The following ANO4 variants were observed in gnomAD, a reference collection of about 807,000 sequenced individuals.
ANO4 encodes anoctamin-4.
A neutral mutation model predicts 141.9 loss-of-function variants in ANO4; 69 were observed. That is an observed-to-expected ratio of 0.49 (90% CI 0.40 to 0.59). The LOEUF is 0.59. ANO4 is among the 20% of genes least tolerant of loss of function. The pLI is 0.00. For synonymous variants in ANO4, 350 were observed against 394.3 expected (o/e 0.89, Z 1.33); for missense variants, 894 against 1,162.2 (o/e 0.77, Z 3.36).
At chr12:100,805,742 G>A (rs1346577557) in intron 1 of ANO4, among the ~76,000 whole-genome samples, 1 of 151,954 alleles carries the variant, frequency 6.6e-6, no homozygotes, top group African/African-American at 2.4e-5. Context: ...CTTCCTGTTT[G>A]TGATTAATGA....
chr12:100,771,482 C>T (rs2033298630), intron 3 of ANO4, among the ~76,000 whole-genome samples: 1 of 152,154 alleles, frequency 6.6e-6, no homozygotes, highest in African/African-American at 2.4e-5. Context: ...AGCACCACCC[C>T]CCACCCCAGT....
intron 1 of ANO4, among the ~76,000 whole-genome samples, chr12:100,883,715 A>G (rs1304575354): frequency 6.6e-6 from 1 of 152,188 alleles, no homozygotes; most frequent in South Asian, 2.1e-4. Flanking sequence ...TACTTGACTC[A>G]ATATATTGAA....
rs754326360 is a variant in ANO4 at position 101,099,653 on chromosome 12, A to G, written c.2082A>G (p.Gln694=). The G allele has an allele frequency of 1.9e-6, 3 of 1,611,296 alleles. No homozygotes were observed. The highest frequency in any genetic ancestry group is 1.3e-5 in the African/African-American group (1 of 74,802). ...HGPERKISFP[Q]WEKDYNLQPM... Reference sequence around the variant, plus strand: ...CTGAAAGGAAAATAAGTTTCCCACAATGGGAAAAGGACTATAACCTTCAGC... The same window carrying G: ...CTGAAAGGAAAATAAGTTTCCCACAGTGGGAAAAGGACTATAACCTTCAGC... The change falls in exon 22 of 28, where the codon CAA becomes CAG. Residue 694 remains glutamine (Q), a synonymous_variant. Coordinates refer to ENST00000392977, the MANE Select transcript of ANO4 (RefSeq NM_001286615.2).
At chr12:100,858,391 T>A (rs2038294384) in intron 1 of ANO4, among the ~76,000 whole-genome samples, 1 of 152,158 alleles carries the variant, frequency 6.6e-6, no homozygotes, top group Non-Finnish European at 1.5e-5. Flanking sequence ...CCATCATATA[T>A]GTGGTCCGTC....
At chr12:100,840,232 G>A (rs1514782) in intron 1 of ANO4, among the ~76,000 whole-genome samples, 103,811 of 151,942 alleles carry the variant, frequency 0.68, 35,557 homozygotes, top group Middle Eastern at 0.77. Flanking sequence ...TTAACAATCC[G>A]TGTCTTTGTG....
chr12:100,751,272 G>A (rs2032362438), intron 3 of ANO4, among the ~76,000 whole-genome samples: 1 of 152,102 alleles, frequency 6.6e-6, no homozygotes, highest in Admixed American at 6.6e-5. Context: ...GATCTACGCG[G>A]GAAAGCAAGT....
chr12:101,103,566 C>G (rs1298203184), intron 22 of ANO4, among the ~76,000 whole-genome samples: 1 of 151,668 alleles, frequency 6.6e-6, no homozygotes, highest in African/African-American at 2.4e-5. Context: ...AGTTGTTAAA[C>G]TAACCTAGCA....
intron 24 of ANO4, among the ~76,000 whole-genome samples, chr12:101,113,181 G>A (rs1296992372): frequency 6.6e-6 from 1 of 152,098 alleles, no homozygotes. Context: ...TCTCCATCCC[G>A]CACCTCACAG....
At position 100,879,007 on chromosome 12, in the gene ANO4, A is replaced by G. The variant is rs144527234; in HGVS notation, c.-140-22639A>G. ...TGTAACACAAATGAGGCAGGATTTT[A>G]TGCCCCTGGAGGGGAGATGTTTGTC... On this transcript the variant is annotated intron_variant, in intron 1 of 27. Coordinates refer to ENST00000392977, the MANE Select transcript of ANO4 (RefSeq NM_001286615.2). 4.3e-3 allele frequency among the ~76,000 whole-genome samples: 662 copies of G among 152,268 alleles called. 6 individuals carry two copies. The highest frequency in any genetic ancestry group is 0.015 in the African/African-American group (620 of 41,570).
At chr12:100,987,728 T>G in intron 8 of ANO4, 58 bp downstream of exon 8, 1 of 1,594,648 alleles carries the variant, frequency 6.3e-7, no homozygotes, top group Non-Finnish European at 8.5e-7. Context: ...TGGTAGAGCC[T>G]CACCCTGCAC....
chr12:100,905,441 A>T (rs2040800344), intron 2 of ANO4, among the ~76,000 whole-genome samples: 1 of 152,088 alleles, frequency 6.6e-6, no homozygotes, highest in East Asian at 1.9e-4. Flanking sequence ...CAGAAATTAC[A>T]AAAGTTTATC....
intron 16 of ANO4, among the ~76,000 whole-genome samples, chr12:101,085,474 G>T (rs1024325791): frequency 2.6e-5 from 4 of 152,078 alleles, no homozygotes. Flanking sequence ...CATTTACATT[G>T]TATCAGGTAT....
At chr12:100,740,154 T>A (rs1437542102) in intron 3 of ANO4, 4 of 692,316 alleles carry the variant, frequency 5.8e-6, no homozygotes, top group Admixed American at 2.0e-5. Context: ...GTGTATAAGA[T>A]TCCTTCATGC....
intron 1 of ANO4, among the ~76,000 whole-genome samples, chr12:100,882,667 G>A (rs2039625286): frequency 6.7e-6 from 1 of 148,466 alleles, no homozygotes; most frequent in Admixed American, 6.7e-5. Context: ...GCAGTCTTCT[G>A]GAACTCTGTT....
chr12:100,871,017 T>C (rs1010588151), intron 1 of ANO4, among the ~76,000 whole-genome samples: 4 of 152,182 alleles, frequency 2.6e-5, no homozygotes, highest in Non-Finnish European at 5.9e-5. Flanking sequence ...ATCTAATAGG[T>C]GTCACTTATA....
At chr12:100,791,963 C>G (rs2034062604), upstream of ANO4, among the ~76,000 whole-genome samples, 1 of 152,030 alleles carries the variant, frequency 6.6e-6, no homozygotes, top group Admixed American at 6.6e-5. Context: ...CAGATTATAA[C>G]TTAGTTTTCA....
chr12:100,858,177 A>G (rs2038282523), intron 1 of ANO4, among the ~76,000 whole-genome samples: 1 of 152,172 alleles, frequency 6.6e-6, no homozygotes, highest in African/African-American at 2.4e-5. Context: ...CACTGTGGGT[A>G]CATGAAAGAC....
At chr12:101,049,951 G>A (rs186045778) in intron 14 of ANO4, among the ~76,000 whole-genome samples, 3 of 152,246 alleles carry the variant, frequency 2.0e-5, no homozygotes, top group African/African-American at 7.2e-5. Flanking sequence ...TTATTCTCCA[G>A]AATGTGGACT....
At chr12:100,777,652 G>A (rs1367793870) in intron 3 of ANO4, among the ~76,000 whole-genome samples, 2 of 152,022 alleles carry the variant, frequency 1.3e-5, no homozygotes, top group Admixed American at 6.5e-5. Context: ...GCAATAAATA[G>A]TGCCATTATT....
Sources: gnomAD v4.1 joint callset for allele counts (sites outside exome capture counted in the v4.1 genomes callset) on GRCh38, gnomAD v4.1.1 for gene constraint, MANE v1.5 for transcripts, NCBI Gene and HGNC (gene_info 2026-07-23, HGNC 2026-07-21) for gene names.